TUT7: variants seen among roughly 807,000 people sequenced by gnomAD.
TUT7 encodes the protein terminal uridylyltransferase 7.
Under a neutral mutation model 165.9 loss-of-function variants are expected in TUT7, and 33 were observed. That is an observed-to-expected ratio of 0.20 (90% CI 0.15 to 0.27). The LOEUF is 0.27. Ranked by LOEUF, TUT7 falls within the 10% of genes least tolerant of loss-of-function variation. The pLI, the probability that TUT7 is intolerant of heterozygous loss-of-function variation, is 1.00. For synonymous variants in TUT7, 552 were observed against 608.1 expected, an observed-to-expected ratio of 0.91 and a Z score of 1.36; for missense variants, 1,338 against 1,762.3, an observed-to-expected ratio of 0.76 and a Z score of 4.31.
chr9:86,335,499 T>C (rs566151160), intron 10 of TUT7, among the ~76,000 whole-genome samples: 10 of 152,092 alleles, frequency 6.6e-5, no homozygotes, highest in Non-Finnish European at 1.5e-4. Flanking sequence ...GACTAAAAGA[T>C]TTGTGAAAAG....
In TUT7 at chr9:86,297,921, C is replaced by CTTTTT. The variant is rs59651352; in HGVS notation, c.4420+3350_4420+3354dup. 1.8e-4 allele frequency among the ~76,000 whole-genome samples: 16 copies of CTTTTT among 86,504 alleles called. 1 individual carries two copies. The highest frequency in any genetic ancestry group is 9.9e-4 in the East Asian group (2 of 2,030). The allele number at this position is 86,504 out of a possible 152,430, so 56.7% of individuals were successfully genotyped here. On this transcript the variant is annotated intron_variant, in intron 26 of 26. Coordinates refer to ENST00000375963, the MANE Select transcript of TUT7 (RefSeq NM_024617.4). ...CTCACTCACCCTTCTGCCTGCTCCACTTTTTTTTTTTTTTCAAATTTCTTC... is the reference window on the plus strand; with the variant it reads ...CTCACTCACCCTTCTGCCTGCTCCACTTTTTTTTTTTTTTTTTTTCAAATTTCTTC...
Position 86,297,921 on chromosome 9 carries a change from C to CTTTTTTT in TUT7, c.4420+3348_4420+3354dup, listed in dbSNP as rs59651352. ...CTCACTCACCCTTCTGCCTGCTCCACTTTTTTTTTTTTTTCAAATTTCTTC... is the reference window on the plus strand; with the variant it reads ...CTCACTCACCCTTCTGCCTGCTCCACTTTTTTTTTTTTTTTTTTTTTCAAATTTCTTC... On this transcript the variant is annotated intron_variant, in intron 26 of 26. Coordinates refer to ENST00000375963, the MANE Select transcript of TUT7 (RefSeq NM_024617.4). Among the ~76,000 whole-genome samples, 656 of 86,486 alleles carry CTTTTTTT rather than the reference C, an allele frequency of 7.6e-3. 68 individuals are homozygous for CTTTTTTT. The highest frequency in any genetic ancestry group is 0.032 in the African/African-American group (578 of 18,146). The allele number at this position is 86,486 out of a possible 152,430, so 56.7% of individuals were successfully genotyped here.
intron 9 of TUT7, among the ~76,000 whole-genome samples, 200 bp downstream of exon 9, chr9:86,338,623 A>C (rs1183045718): frequency 6.6e-6 from 1 of 152,184 alleles, no homozygotes. Context: ...AATCATTTTG[A>C]TCTTTTGAGC....
chr9:86,299,465 T>C (rs1826680833), intron 26 of TUT7, among the ~76,000 whole-genome samples: 1 of 152,158 alleles, frequency 6.6e-6, no homozygotes, highest in South Asian at 2.1e-4. Flanking sequence ...AGCAGCTGAT[T>C]ATTTTTGAAC....
rs569499967 is a variant in TUT7, at chr9:86,305,894, T to C, written c.3839-655A>G. Among the ~76,000 whole-genome samples, 49 of 152,296 alleles carry C rather than the reference T, an allele frequency of 3.2e-4. No homozygotes were observed. The East Asian group carries it at 4.8e-3, about 15-fold the overall frequency. ...ATCTGAAACATCTTAGATAGCTGTA[T>C]ATAGGATATGTTTTGGAATACTGTT... On this transcript the variant is annotated intron_variant, in intron 22 of 26. Coordinates refer to ENST00000375963, the MANE Select transcript of TUT7 (RefSeq NM_024617.4).
chr9:86,344,217 A>G (rs1012726904), intron 5 of TUT7, among the ~76,000 whole-genome samples: 2 of 152,268 alleles, frequency 1.3e-5, no homozygotes, highest in Middle Eastern at 3.4e-3. Context: ...ATAGTTGTCC[A>G]TGGCTTCACA....
intron 1 of TUT7, among the ~76,000 whole-genome samples, chr9:86,353,557 T>C (rs1191212547): frequency 6.6e-6 from 1 of 152,212 alleles, no homozygotes; most frequent in African/African-American, 2.4e-5. Flanking sequence ...TTTCCCTCTG[T>C]AACAAGGCGT....
intron 15 of TUT7, 86 bp downstream of exon 15, chr9:86,319,498 T>C (rs572175695): frequency 5.3e-6 from 5 of 944,686 alleles, no homozygotes; most frequent in Non-Finnish European, 7.8e-6. Flanking sequence ...ATCCTGATTC[T>C]CAAAATCAGT....
At chr9:86,290,195 G>A (rs1357518963) in intron 26 of TUT7, among the ~76,000 whole-genome samples, 1 of 152,156 alleles carries the variant, frequency 6.6e-6, no homozygotes, top group Admixed American at 6.5e-5. Context: ...TTGTATTAAT[G>A]TAAAAAGACA....
intron 6 of TUT7, 152 bp from the exon 7 acceptor site, chr9:86,341,205 A>T: frequency 1.5e-6 from 1 of 673,230 alleles, no homozygotes; most frequent in South Asian, 1.6e-5. Flanking sequence ...TTGTTTGCAT[A>T]TGTCAGTCAA....
chr9:86,353,654 G>T (rs780952830), intron 1 of TUT7, among the ~76,000 whole-genome samples: 1 of 152,076 alleles, frequency 6.6e-6, no homozygotes, highest in African/African-American at 2.4e-5. Flanking sequence ...GCAATTACTT[G>T]TAAGTGTTAT....
chr9:86,327,530 T>A (rs926668960), intron 11 of TUT7, among the ~76,000 whole-genome samples: 1 of 152,124 alleles, frequency 6.6e-6, no homozygotes, highest in African/African-American at 2.4e-5. Flanking sequence ...CAAATTCACA[T>A]ATTCTGGCTC....
At chr9:86,293,898 A>G (rs1027363413) in intron 26 of TUT7, among the ~76,000 whole-genome samples, 4 of 152,042 alleles carry the variant, frequency 2.6e-5, no homozygotes, top group African/African-American at 4.8e-5. Context: ...GGCGCACACC[A>G]GTACACCTGA....
intron 11 of TUT7, among the ~76,000 whole-genome samples, chr9:86,326,110 A>G (rs1564071423): frequency 6.6e-6 from 1 of 152,226 alleles, no homozygotes; most frequent in East Asian, 1.9e-4. Context: ...GAAAGTACAT[A>G]TTACTTAGGA....
At chr9:86,301,241 T>A in intron 26 of TUT7, 35 bp downstream of exon 26, 1 of 1,560,094 alleles carries the variant, frequency 6.4e-7, no homozygotes, top group African/African-American at 1.4e-5. Context: ...CTTGAGATGT[T>A]AGAGCAAACA....
chr9:86,294,122 G>A (rs978804005), intron 26 of TUT7, among the ~76,000 whole-genome samples: 1 of 152,100 alleles, frequency 6.6e-6, no homozygotes, highest in Non-Finnish European at 1.5e-5. Flanking sequence ...TTATATGTCT[G>A]TGAATGCCTT....
intron 24 of TUT7, 27 bp downstream of exon 24, chr9:86,304,829 A>G: frequency 6.7e-7 from 1 of 1,494,418 alleles, no homozygotes; most frequent in Non-Finnish European, 9.1e-7. Context: ...TTTATTTTTT[A>G]TTTTTTGGTA....
chr9:86,351,607 T>A (rs1407429434), intron 2 of TUT7, among the ~76,000 whole-genome samples: 1 of 152,216 alleles, frequency 6.6e-6, no homozygotes, highest in Non-Finnish European at 1.5e-5. Flanking sequence ...GGCTTTTAAG[T>A]ATTCTATACG....
At position 86,311,390 on chromosome 9, in the gene TUT7, T is replaced by C. The variant is rs1828032746; in HGVS notation, c.3275-581A>G. Among the ~76,000 whole-genome samples, 1 of 152,118 alleles carries C rather than the reference T, an allele frequency of 6.6e-6. No individual in the cohort carries two copies. Among genetic ancestry groups the C allele is most frequent in the Non-Finnish European group, 1.5e-5 (1 of 68,014 alleles). ...CAAATTTACCAGGCAAGGCAAACTG[T>C]ACACAAAAAGTGTAGATGCCTGAAA... On this transcript the variant is annotated intron_variant, in intron 17 of 26. Transcript: ENST00000375963. The surrounding 1 kb of genome is among the most constrained non-coding windows in gnomAD (Gnocchi z 4.4).
Sources: allele counts gnomAD v4.1 joint callset (sites outside exome capture counted in the v4.1 genomes callset), GRCh38; gene constraint gnomAD v4.1.1; non-coding constraint Gnocchi (gnomAD v3.1); transcripts MANE v1.5; gene names NCBI Gene and HGNC (gene_info 2026-07-23, HGNC 2026-07-21).